Variants in SCNN1B observed in about 807,000 individuals in gnomAD.
SCNN1B encodes epithelial sodium channel subunit beta.
SCNN1B carries 46 observed loss-of-function variants against 65.3 expected under a neutral mutation model. The observed-to-expected ratio is 0.70, with a 90% CI of 0.56 to 0.90. The LOEUF (loss-of-function observed/expected upper bound fraction) is 0.90. Among genes scored for constraint, SCNN1B ranks in the 40% least tolerant of loss-of-function variants. The probability of loss-of-function intolerance (pLI) is 0.00; values close to 1 mark genes in which losing one functional copy is unlikely to be tolerated. For missense variants in SCNN1B, 751 were observed against 830.5 expected (o/e 0.90, Z 1.18); for synonymous variants, 349 against 330.6 (o/e 1.06, Z -0.60).
At chr16:23,372,827 T>C (rs1962813282) in intron 7 of SCNN1B, among the ~76,000 whole-genome samples, 1 of 149,584 alleles carries the variant, frequency 6.7e-6, no homozygotes, top group Admixed American at 6.7e-5. Flanking sequence ...TTGCTGGGCA[T>C]GGTGGCTCAC....
chr16:23,290,705 T>A (rs1307680701), intron 2 of SCNN1B, among the ~76,000 whole-genome samples: 2 of 152,128 alleles, frequency 1.3e-5, no homozygotes, highest in South Asian at 2.1e-4. Context: ...TTAAAAAAAA[T>A]TAGACTTTCT....
intron 1 of SCNN1B, among the ~76,000 whole-genome samples, chr16:23,345,574 C>T (rs1165756086): frequency 2.0e-5 from 3 of 152,142 alleles, no homozygotes; most frequent in African/African-American, 4.8e-5. Context: ...ATACCACCAG[C>T]TTAGTAGGCT....
upstream of SCNN1B, among the ~76,000 whole-genome samples, chr16:23,301,414 G>GGA (rs137987811): frequency 1.7e-4 from 24 of 141,016 alleles, no homozygotes; most frequent in South Asian, 4.3e-4. Flanking sequence ...GGAGGGAGGT[G>GGA]GAGAGAGAGA....
chr16:23,380,847 A>T lies in SCNN1B; in HGVS notation c.*46A>T. The stretch of plus-strand genomic sequence containing the variant: ...GGCGGCTGAAACTCACTGAGCAGCC[A>T]AGACTGTTGCCCGAGGCCTCACTGT... On this transcript the variant is annotated 3_prime_UTR_variant, in exon 13 of 13. Coordinates refer to ENST00000343070, the MANE Select transcript of SCNN1B (RefSeq NM_000336.3). This position sits in a 1 kb window ranked among gnomAD's most constrained non-coding sequence, Gnocchi z 5.4. 2 of 1,607,224 alleles carry T rather than the reference A, an allele frequency of 1.2e-6. No individual in the cohort carries two copies. Among genetic ancestry groups the T allele is most frequent in the Non-Finnish European group, 1.7e-6 (2 of 1,176,410 alleles).
intron 4 of SCNN1B, among the ~76,000 whole-genome samples, chr16:23,365,688 A>G (rs1032783802): frequency 6.6e-6 from 1 of 152,222 alleles, no homozygotes; most frequent in African/African-American, 2.4e-5. Flanking sequence ...CCTCTGCCAC[A>G]CTGGAAGCTG....
rs1962345984 is a variant in SCNN1B at position 23,353,078 on chromosome 16, A to C, written c.585+4A>C. 1 of 1,614,008 alleles carries C rather than the reference A, an allele frequency of 6.2e-7. No individual in the cohort carries two copies. Among genetic ancestry groups the C allele is most frequent in the Non-Finnish European group, 8.5e-7 (1 of 1,180,026 alleles). On this transcript the variant is annotated splice_donor_region_variant and intron_variant, in intron 3 of 12. Transcript: ENST00000343070. The stretch of plus-strand genomic sequence containing the variant: ...GTGCAAAATGGCCATGAGACTAGTA[A>C]GTGGTCCCTGGGCACATATCAAGCA...
chr16:23,370,654 C>A lies in SCNN1B; in HGVS notation c.881-645C>A, dbSNP rs185913513. Among the ~76,000 whole-genome samples, 6 of 152,316 alleles carry A rather than the reference C, an allele frequency of 3.9e-5. No individual in the cohort carries two copies. In the East Asian group the frequency reaches 1.2e-3, roughly 29 times the overall value. On this transcript the variant is annotated intron_variant, in intron 5 of 12. Coordinates refer to ENST00000343070, the MANE Select transcript of SCNN1B (RefSeq NM_000336.3). ...GTTCCGGGGCTAGGAAAGTGTACAA[C>A]CAAGACCCTGACACCTCGTCTGAGC...
chr16:23,356,625 T>TAA (rs932663480), intron 4 of SCNN1B, among the ~76,000 whole-genome samples: 1 of 43,910 alleles, frequency 2.3e-5, no homozygotes, highest in Non-Finnish European at 3.5e-5. Flanking sequence ...CCCTGTCTCT[T>TAA]AAAAAAAAAA....
At chr16:23,320,810 G>T (rs937491728) in intron 1 of SCNN1B, among the ~76,000 whole-genome samples, 11 of 152,190 alleles carry the variant, frequency 7.2e-5, no homozygotes, top group Admixed American at 2.0e-4. Flanking sequence ...GGAGGGGAAG[G>T]CCACACCCCC....
intron 1 of SCNN1B, among the ~76,000 whole-genome samples, chr16:23,304,593 A>T (rs1961155386): frequency 6.6e-6 from 1 of 152,220 alleles, no homozygotes; most frequent in Non-Finnish European, 1.5e-5. Flanking sequence ...GAAGGAGCTG[A>T]GAACCACGAA....
chr16:23,291,424 T>C (rs188191725), intron 2 of SCNN1B, among the ~76,000 whole-genome samples: 6 of 152,090 alleles, frequency 3.9e-5, no homozygotes, highest in Admixed American at 1.3e-4. Flanking sequence ...TATCCTACTG[T>C]AATTTTTGTT....
chr16:23,371,632 G>GCCCTCTGGCGCC (rs1272682869), intron 6 of SCNN1B, 144 bp from the exon 7 acceptor site: 2 of 963,890 alleles, frequency 2.1e-6, no homozygotes, highest in Non-Finnish European at 3.2e-6. Flanking sequence ...GGGAAGGTGA[G>GCCCTCTGGCGCC]CCCTCTGGCG....
intron 2 of SCNN1B, among the ~76,000 whole-genome samples, chr16:23,285,225 T>A (rs11866397): frequency 6.6e-6 from 1 of 152,046 alleles, no homozygotes; most frequent in Non-Finnish European, 1.5e-5. Flanking sequence ...CAGGCTGGAA[T>A]GCCATGATGT....
intron 2 of SCNN1B, among the ~76,000 whole-genome samples, chr16:23,295,094 T>A (rs537578469): frequency 6.6e-6 from 1 of 152,328 alleles, no homozygotes; most frequent in East Asian, 1.9e-4. Flanking sequence ...TTCTTTATCT[T>A]GCTTGTGTTT....
intron 1 of SCNN1B, among the ~76,000 whole-genome samples, chr16:23,281,065 A>G (rs1960777389): frequency 6.6e-6 from 1 of 152,236 alleles, no homozygotes; most frequent in Non-Finnish European, 1.5e-5. Flanking sequence ...TCTTCTGTAC[A>G]AGCCCTGAGA....
intron 1 of SCNN1B, among the ~76,000 whole-genome samples, chr16:23,347,752 A>G (rs556675773): frequency 1.3e-5 from 2 of 152,294 alleles, no homozygotes; most frequent in South Asian, 4.1e-4. Flanking sequence ...CACTAAAAAT[A>G]CAAAAATTCA....
rs375630469 is a variant in SCNN1B, at chr16:23,380,053, G to A, written c.1467-41G>A. 5.5e-6 allele frequency: 8 copies of A among 1,454,736 alleles called. No individual in the cohort carries two copies. The African/African-American group carries it at 1.1e-4, about 20-fold the overall frequency. The allele number at this position is 1,454,736 out of a possible 1,614,324, so 90.1% of individuals were successfully genotyped here. A position where few individuals can be genotyped will look rare whatever the true frequency, so the allele number is the denominator to read the frequency against. ...GTGTGTGTGTCTGTCTGTTTGGAAG[G>A]GGGATACATTAGTCCCGGCCCTTCT... is the stretch of plus-strand genomic sequence containing the variant. On this transcript the variant is annotated intron_variant, in intron 11 of 12. Coordinates refer to ENST00000343070, the MANE Select transcript of SCNN1B (RefSeq NM_000336.3). This position sits in a 1 kb window ranked among gnomAD's most constrained non-coding sequence, Gnocchi z 5.4.
Position 23,355,439 on chromosome 16 carries a change from C to A in SCNN1B, c.726C>A (p.Gly242=). The change falls in exon 4 of 13, where the codon GGC becomes GGA. Residue 242 remains glycine (G), a synonymous_variant. Coordinates refer to ENST00000343070, the MANE Select transcript of SCNN1B (RefSeq NM_000336.3). ...QQELVEMSYP[G]EQMILACLFG... Reference sequence around the variant, plus strand: ...AGCTAGTAGAGATGAGCTACCCCGGCGAGCAGATGATCCTGGCCTGCCTAT... The same window carrying A: ...AGCTAGTAGAGATGAGCTACCCCGGAGAGCAGATGATCCTGGCCTGCCTAT... 6.2e-7 allele frequency: 1 copy of A among 1,614,220 alleles called. No individual in the cohort carries two copies. Among genetic ancestry groups the A allele is most frequent in the Non-Finnish European group, 8.5e-7 (1 of 1,180,044 alleles).
rs1395299372 is a variant in SCNN1B at position 23,348,101 on chromosome 16, A to G, written c.-8-491A>G. ...CACACTCACTCACCTGGGACCATGCAGACACATCATGGGGAGGACATGTAA... is the reference window on the plus strand; with the variant it reads ...CACACTCACTCACCTGGGACCATGCGGACACATCATGGGGAGGACATGTAA... On this transcript the variant is annotated intron_variant, in intron 1 of 12. Transcript: ENST00000343070. The surrounding 1 kb of genome is among the most constrained non-coding windows in gnomAD (Gnocchi z 4.5). Among the ~76,000 whole-genome samples, 1 of 152,176 alleles carries G rather than the reference A, an allele frequency of 6.6e-6. No homozygotes were observed. Among genetic ancestry groups the G allele is most frequent in the Non-Finnish European group, 1.5e-5 (1 of 68,028 alleles).
Sources: gnomAD v4.1 joint callset for allele counts (sites outside exome capture counted in the v4.1 genomes callset) on GRCh38, gnomAD v4.1.1 for gene constraint, Gnocchi (gnomAD v3.1) non-coding constraint, MANE v1.5 for transcripts, NCBI Gene and HGNC (gene_info 2026-07-23, HGNC 2026-07-21) for gene names.